The following MARCHF1 variants were observed in gnomAD, a reference collection of about 807,000 sequenced individuals.
MARCHF1 encodes E3 ubiquitin-protein ligase MARCHF1.
Under a neutral mutation model 54.2 loss-of-function variants are expected in MARCHF1, and 40 were observed. The observed-to-expected ratio is 0.74, with a 90% CI of 0.57 to 0.96. The LOEUF (loss-of-function observed/expected upper bound fraction) is 0.96, where lower values mean the gene tolerates loss of function less well. Ranked by LOEUF, MARCHF1 falls within the 40% of genes least tolerant of loss-of-function variation. MARCHF1 has a pLI of 0.00. For synonymous variants in MARCHF1, 236 were observed against 236.3 expected (o/e 1.00, Z 0.01); for missense variants, 586 against 656.5 (o/e 0.89, Z 1.17).
intron 1 of MARCHF1, among the ~76,000 whole-genome samples, chr4:164,142,838 C>T (rs1203664701): frequency 6.6e-6 from 1 of 152,110 alleles, no homozygotes; most frequent in East Asian, 1.9e-4. Context: ...CTTTGACGAG[C>T]TGAGAGAAGA....
At chr4:163,580,025 A>G (rs1740168261) in intron 8 of MARCHF1, among the ~76,000 whole-genome samples, 1 of 151,912 alleles carries the variant, frequency 6.6e-6, no homozygotes, top group Non-Finnish European at 1.5e-5. Context: ...AAAAGAACAG[A>G]AGTTCATCCA....
At chr4:164,366,684 A>C (rs1417196157) in intron 1 of MARCHF1, among the ~76,000 whole-genome samples, 1 of 151,876 alleles carries the variant, frequency 6.6e-6, no homozygotes, top group African/African-American at 2.4e-5. Context: ...CATTTTTTCC[A>C]GTTAGCTATA....
At chr4:163,787,526 T>C (rs1277953833) in intron 4 of MARCHF1, among the ~76,000 whole-genome samples, 1 of 151,588 alleles carries the variant, frequency 6.6e-6, no homozygotes, top group African/African-American at 2.4e-5. Context: ...CGGTGACATA[T>C]TATCTCATAC....
intron 1 of MARCHF1, among the ~76,000 whole-genome samples, chr4:164,146,686 A>T (rs1301431803): frequency 1.3e-5 from 2 of 152,152 alleles, no homozygotes; most frequent in South Asian, 4.1e-4. Context: ...GATGGATTAA[A>T]GACTTAAACA....
intron 1 of MARCHF1, among the ~76,000 whole-genome samples, chr4:164,244,155 T>G (rs1732867380): frequency 6.6e-6 from 1 of 151,858 alleles, no homozygotes; most frequent in South Asian, 2.1e-4. Flanking sequence ...AGAATATACA[T>G]TTTTTTCAGC....
chr4:163,726,195 T>A (rs1745648141), intron 4 of MARCHF1, among the ~76,000 whole-genome samples: 1 of 152,208 alleles, frequency 6.6e-6, no homozygotes, highest in Admixed American at 6.6e-5. Flanking sequence ...GACAAATGTA[T>A]GATAACATGT....
rs1283153323 is a variant in MARCHF1, at chr4:164,292,823, G to A, written c.-323+91047C>T. Among the ~76,000 whole-genome samples, 3 of 152,234 alleles carry A rather than the reference G, an allele frequency of 2.0e-5. No individual in the cohort carries two copies. In the East Asian group the frequency reaches 5.8e-4, roughly 29 times the overall value. ...ATATGTTGTTAAATCATAAAATCAA[G>A]ATTATGTGAATTTTGTAATTATTTA... On this transcript the variant is annotated intron_variant, in intron 1 of 9. Coordinates refer to ENST00000514618, the MANE Select transcript of MARCHF1 (RefSeq NM_001394959.1).
intron 1 of MARCHF1, among the ~76,000 whole-genome samples, chr4:164,206,035 C>G (rs1195954325): frequency 6.6e-6 from 1 of 152,186 alleles, no homozygotes; most frequent in Non-Finnish European, 1.5e-5. Context: ...CTCTATTAAT[C>G]TATTCTATTC....
At position 163,612,910 on chromosome 4, in the gene MARCHF1, G is replaced by C. The variant is rs776345974; in HGVS notation, c.371C>G (p.Ala124Gly). Residue 124 changes from alanine to glycine, a missense_variant, in exon 7 of 10, where the codon GCC becomes GGC. This residue lies in a region of MARCHF1 where 387 missense variants were observed against 394.6 expected (regional missense o/e 0.98). Coordinates refer to ENST00000514618, the MANE Select transcript of MARCHF1 (RefSeq NM_001394959.1). ...TGCAGCATGCTCATATCTCTCAGAG[G>C]CTTTTCTCCTCCTCCTAGGTCTTTG... is the stretch of plus-strand genomic sequence containing the variant. ...VIQRPRRRRK[A>G]SERYEHAAEE... 6 of 1,535,396 alleles carry C rather than the reference G, an allele frequency of 3.9e-6. No individual in the cohort carries two copies. The highest frequency in any genetic ancestry group is 5.2e-6 in the Non-Finnish European group (6 of 1,146,500).
chr4:164,170,666 G>A (rs1489267211), intron 1 of MARCHF1, among the ~76,000 whole-genome samples: 1 of 152,072 alleles, frequency 6.6e-6, no homozygotes, highest in Non-Finnish European at 1.5e-5. Flanking sequence ...GATTTTGGTG[G>A]GAGAAGCCTT....
chr4:163,590,431 A>T (rs753596728), intron 7 of MARCHF1, among the ~76,000 whole-genome samples: 1 of 151,964 alleles, frequency 6.6e-6, no homozygotes. Flanking sequence ...TCCCCACAGC[A>T]ATTTCTCTAG....
chr4:163,702,608 G>C (rs188691870), intron 4 of MARCHF1, among the ~76,000 whole-genome samples: 1 of 152,200 alleles, frequency 6.6e-6, no homozygotes, highest in Non-Finnish European at 1.5e-5. Context: ...ATGGTGTTTT[G>C]AGATAAAACA....
At position 163,854,018 on chromosome 4, in the gene MARCHF1, C is replaced by T. The variant is rs1327482397; in HGVS notation, c.111+3G>A. 5.2e-6 allele frequency: 8 copies of T among 1,536,326 alleles called. No homozygotes were observed. The South Asian group carries it at 7.1e-5, about 14-fold the overall frequency. On this transcript the variant is annotated splice_donor_region_variant and intron_variant, in intron 4 of 9. Transcript: ENST00000514618. Reference sequence around the variant, plus strand: ...ATTTGAGGTAAAGTAACTTTCCACTCACCAATGTGGAGGTTTGTGAGGCGT... The same window carrying T: ...ATTTGAGGTAAAGTAACTTTCCACTTACCAATGTGGAGGTTTGTGAGGCGT...
At chr4:163,757,692 G>A (rs1746717133) in intron 4 of MARCHF1, among the ~76,000 whole-genome samples, 1 of 152,140 alleles carries the variant, frequency 6.6e-6, no homozygotes, top group Non-Finnish European at 1.5e-5. Flanking sequence ...AGCTTGAGAA[G>A]CAACTATTAC....
chr4:164,125,878 G>A (rs768121977), intron 1 of MARCHF1, among the ~76,000 whole-genome samples: 7 of 152,162 alleles, frequency 4.6e-5, no homozygotes, highest in Admixed American at 1.3e-4. Flanking sequence ...TCTAATACCT[G>A]GTGATCTGAG....
intron 3 of MARCHF1, among the ~76,000 whole-genome samples, chr4:163,961,020 C>T (rs1243118370): frequency 2.0e-5 from 3 of 151,734 alleles, no homozygotes; most frequent in Non-Finnish European, 2.9e-5. Flanking sequence ...ATGTCTGTCT[C>T]TCTGTCTCTC....
intron 4 of MARCHF1, among the ~76,000 whole-genome samples, chr4:163,732,997 T>A (rs1369853322): frequency 6.7e-6 from 1 of 149,990 alleles, no homozygotes; most frequent in East Asian, 2.0e-4. Flanking sequence ...ACTAAAAATA[T>A]AAAAATTAGC....
chr4:163,808,952 G>A (rs541436895), intron 4 of MARCHF1, among the ~76,000 whole-genome samples: 2 of 152,198 alleles, frequency 1.3e-5, no homozygotes, highest in South Asian at 2.1e-4. Context: ...AGACTGTCTC[G>A]TCTATTTCAT....
At chr4:164,290,328 T>C (rs1734257962) in intron 1 of MARCHF1, among the ~76,000 whole-genome samples, 1 of 151,984 alleles carries the variant, frequency 6.6e-6, no homozygotes, top group Non-Finnish European at 1.5e-5. Flanking sequence ...ATAACATTAT[T>C]TGAAATTTCA....
Sources: gnomAD v4.1 joint callset for allele counts (sites outside exome capture counted in the v4.1 genomes callset) on GRCh38, gnomAD v4.1.1 for gene constraint, gnomAD v4.1.1 regional missense constraint, MANE v1.5 for transcripts, NCBI Gene and HGNC (gene_info 2026-07-23, HGNC 2026-07-21) for gene names.